Variants in JPT2 observed in about 807,000 individuals in gnomAD.
The protein encoded by JPT2 is Jupiter microtubule associated homolog 2, also known as CRAMP_1 like.
In JPT2, 9 loss-of-function variants were observed where a neutral mutation model predicts 15.9. The observed-to-expected ratio is 0.57, with a 90% confidence interval of 0.34 to 0.99. The LOEUF (loss-of-function observed/expected upper bound fraction) is 0.99. Ranked by LOEUF, JPT2 falls within the 50% of genes least tolerant of loss-of-function variation. The probability of loss-of-function intolerance (pLI) is 0.02; values close to 1 mark genes in which losing one functional copy is unlikely to be tolerated. For synonymous variants in JPT2, 95 were observed against 91.7 expected (o/e 1.04, Z -0.21); for missense variants, 267 against 252.1 (o/e 1.06, Z -0.40).
At chr16:1,690,203 C>T (rs974949889) in intron 2 of JPT2, 8 of 152,302 alleles carry the variant, frequency 5.3e-5, no homozygotes, top group East Asian at 1.9e-4. Context: ...GGTCTGAAGA[C>T]GAGCAGGTGC....
chr16:1,683,717 C>T (rs2037043023), intron 1 of JPT2: 2 of 683,304 alleles, frequency 2.9e-6, no homozygotes, highest in Non-Finnish European at 5.0e-6. Flanking sequence ...CATTCACATC[C>T]AGTCACAAGG....
chr16:1,683,603 A>G, intron 1 of JPT2: 1 of 1,534,030 alleles, frequency 6.5e-7, no homozygotes, highest in Non-Finnish European at 8.7e-7. Context: ...GTCGGCCAGC[A>G]CACGCTTGGT....
At chr16:1,696,106 G>C (rs1024363996) in intron 3 of JPT2, among the ~76,000 whole-genome samples, 2 of 152,088 alleles carry the variant, frequency 1.3e-5, no homozygotes, top group Non-Finnish European at 2.9e-5. Flanking sequence ...GTGGATGCCT[G>C]TAATCCCAGG....
At position 1,698,779 on chromosome 16, in the gene JPT2, ATGGGATGT is replaced by A; in HGVS notation, c.386-29_386-22del. 1 of 1,589,296 alleles carries A rather than the reference ATGGGATGT, an allele frequency of 6.3e-7. No homozygotes were observed. The highest frequency in any genetic ancestry group is 8.6e-7 in the Non-Finnish European group (1 of 1,168,016). On this transcript the variant is annotated intron_variant, in intron 4 of 4. Transcript: ENST00000248098. The surrounding 1 kb of genome is among the most constrained non-coding windows in gnomAD (Gnocchi z 4.9). Reference sequence around the variant, plus strand: ...CTGTCAGGGTCATGGGTTGCCTCTAATGGGATGTTGTTCTAACTTTGTGTCCCACAGCT... The same window carrying A: ...CTGTCAGGGTCATGGGTTGCCTCTAATGTTCTAACTTTGTGTCCCACAGCT...
rs1483308863 is a variant in JPT2 at position 1,701,979 on chromosome 16, G to A, written c.*2981G>A. On this transcript the variant is annotated 3_prime_UTR_variant, in exon 5 of 5. Coordinates refer to ENST00000248098, the MANE Select transcript of JPT2 (RefSeq NM_144570.3). Reference sequence around the variant, plus strand: ...GAGGATCACTTGAGACCAGGAGGTTGTGGCTGTAGTGAGTGATGATCATGC... The same window carrying A: ...GAGGATCACTTGAGACCAGGAGGTTATGGCTGTAGTGAGTGATGATCATGC... 2.7e-6 allele frequency: 1 copy of A among 364,818 alleles called. No homozygotes were observed. Among genetic ancestry groups the A allele is most frequent in the African/African-American group, 2.1e-5 (1 of 47,484 alleles). The allele number at this position is 364,818 out of a possible 1,614,324, so 22.6% of individuals were successfully genotyped here.
At chr16:1,680,840 C>T (rs1028341553) in intron 1 of JPT2, among the ~76,000 whole-genome samples, 2 of 152,214 alleles carry the variant, frequency 1.3e-5, no homozygotes, top group Admixed American at 6.5e-5. Flanking sequence ...TAAGCCTGAC[C>T]AGTCCCCTCA....
chr16:1,688,829 T>G (rs1428945750), intron 2 of JPT2: 1 of 152,248 alleles, frequency 6.6e-6, no homozygotes, highest in African/African-American at 2.4e-5. Flanking sequence ...TTTAAGCATG[T>G]TTTCTTGCTT....
intron 1 of JPT2, among the ~76,000 whole-genome samples, chr16:1,679,696 C>CA (rs36037229): frequency 0.12 from 13,355 of 114,376 alleles, 706 homozygotes; most frequent in African/African-American, 0.18. Context: ...GACTCCGTCT[C>CA]AAAAAAAAAA....
At chr16:1,687,102 C>T in intron 2 of JPT2, among the ~76,000 whole-genome samples, 1 of 152,212 alleles carries the variant, frequency 6.6e-6, no homozygotes, top group Non-Finnish European at 1.5e-5. Flanking sequence ...TTTTCCTCAG[C>T]CTCCTGAGTG....
intron 3 of JPT2, 161 bp downstream of exon 3, chr16:1,692,146 C>G: frequency 2.2e-6 from 2 of 908,986 alleles, no homozygotes; most frequent in Non-Finnish European, 1.6e-6. Context: ...GGAAGTTCCC[C>G]TGAGTCACCC....
intron 2 of JPT2, chr16:1,689,695 G>A (rs2037091434): frequency 6.6e-6 from 1 of 152,236 alleles, no homozygotes; most frequent in Non-Finnish European, 1.5e-5. Context: ...TCCCACCTTG[G>A]CCTCCCACCG....
chr16:1,684,931 A>G lies in JPT2; in HGVS notation c.45-508A>G, dbSNP rs552732382. Among the ~76,000 whole-genome samples the G allele has an allele frequency of 2.6e-5, 4 of 151,354 alleles. 1 individual carries two copies. The South Asian group carries it at 8.4e-4, about 32-fold the overall frequency. ...ATCTCAAAAAAAAAAAAAAAAGAAT[A>G]CTTTTAAGGGAAACTAAAGAGCAGC... On this transcript the variant is annotated intron_variant, in intron 1 of 4. Transcript: ENST00000248098.
In JPT2 at chr16:1,678,346, G is replaced by A; in HGVS notation, c.34G>A (p.Ala12Thr). The A allele has an allele frequency of 8.1e-7, 1 of 1,233,250 alleles. No individual in the cohort carries two copies. The allele number at this position is 1,233,250 out of a possible 1,614,324, so 76.4% of individuals were successfully genotyped here. A position where few individuals can be genotyped will look rare whatever the true frequency, so the allele number is the denominator to read the frequency against. Residue 12 changes from alanine to threonine, a missense_variant, in exon 1 of 5, where the codon GCC becomes ACC. Ala to Thr is a moderately conservative substitution (Grantham distance 58, BLOSUM62 0). Coordinates refer to ENST00000248098, the MANE Select transcript of JPT2 (RefSeq NM_144570.3). ...GGTCCCGGATAGCGAGGGCGGCCGC[G>A]CCGGCTCCAGGTGCGGCGCGGGGCA... Reference protein sequence around the residue: ...FQVPDSEGGRAGSRAMKPPGG... With the variant: ...FQVPDSEGGRTGSRAMKPPGG...
chr16:1,698,914 T>C lies in JPT2; in HGVS notation c.489T>C (p.His163=). 1 of 1,614,240 alleles carries C rather than the reference T, an allele frequency of 6.2e-7. No individual in the cohort carries two copies. Among genetic ancestry groups the C allele is most frequent in the Non-Finnish European group, 8.5e-7 (1 of 1,180,048 alleles). ...AGCCCATGCCCACAGTCGACAGCCA[T>C]GAGCCCCGGCTGGGGCCGCGGCCTC... is the stretch of plus-strand genomic sequence containing the variant. The part of the protein sequence containing the change: ...EQEPMPTVDS[H]EPRLGPRPRS... Residue 163 remains histidine (H), a synonymous_variant, in exon 5 of 5, where the codon CAT becomes CAC. Transcript: ENST00000248098. This position sits in a 1 kb window ranked among gnomAD's most constrained non-coding sequence, Gnocchi z 4.9.
chr16:1,682,714 C>G (rs1389838618), intron 1 of JPT2, among the ~76,000 whole-genome samples: 4 of 151,946 alleles, frequency 2.6e-5, no homozygotes, highest in African/African-American at 9.7e-5. Context: ...CTGCGTGATT[C>G]AAAAATGGAT....
At chr16:1,691,713 T>C in intron 2 of JPT2, 130 bp from the exon 3 acceptor site, 2 of 1,075,052 alleles carry the variant, frequency 1.9e-6, no homozygotes, top group Non-Finnish European at 2.6e-6. Context: ...CATCCTGCCC[T>C]GTTGGCCTGG....
intron 3 of JPT2, among the ~76,000 whole-genome samples, chr16:1,696,910 G>T (rs2037146280): frequency 6.6e-6 from 1 of 152,210 alleles, no homozygotes; most frequent in African/African-American, 2.4e-5. Flanking sequence ...GATACTGCCA[G>T]TTCCTCAGAG....
intron 3 of JPT2, among the ~76,000 whole-genome samples, chr16:1,696,502 C>T (rs1349577597): frequency 6.7e-6 from 1 of 149,732 alleles, no homozygotes; most frequent in Non-Finnish European, 1.5e-5. Context: ...GCCTGGGCAA[C>T]AGAGTGAGAC....
chr16:1,683,322 G>T (rs1055374690), intron 1 of JPT2, among the ~76,000 whole-genome samples: 2 of 151,504 alleles, frequency 1.3e-5, no homozygotes, highest in African/African-American at 4.9e-5. Context: ...ATATGCCCAG[G>T]CGTGTCTCGA....
Sources: gnomAD v4.1 joint callset for allele counts (sites outside exome capture counted in the v4.1 genomes callset) on GRCh38, gnomAD v4.1.1 for gene constraint, Gnocchi (gnomAD v3.1) non-coding constraint, MANE v1.5 for transcripts, NCBI Gene and HGNC (gene_info 2026-07-23, HGNC 2026-07-21) for gene names.